API5: variants seen among roughly 807,000 people sequenced by gnomAD.
The protein encoded by API5 is FIF.
A neutral mutation model predicts 71.9 loss-of-function variants in API5; 6 were observed. The observed-to-expected ratio is 0.08, with a 90% CI of 0.05 to 0.16. The LOEUF (loss-of-function observed/expected upper bound fraction) is 0.16, where lower values mean the gene tolerates loss of function less well. Ranked by LOEUF, API5 falls within the 10% of genes least tolerant of loss-of-function variation. API5 has a pLI of 1.00. For missense variants in API5, 332 were observed against 612.8 expected, an observed-to-expected ratio of 0.54 and a Z score of 4.84; for synonymous variants, 189 against 221.3, an observed-to-expected ratio of 0.85 and a Z score of 1.30.
intron 13 of API5, chr11:43,340,239 T>C (rs1366733785): frequency 2.8e-6 from 1 of 356,874 alleles, no homozygotes; most frequent in South Asian, 2.1e-5. Context: ...AAAATATTTC[T>C]ATACAAGGAA....
At chr11:43,334,809 T>G (rs937492414) in intron 11 of API5, among the ~76,000 whole-genome samples, 8 of 151,880 alleles carry the variant, frequency 5.3e-5, no homozygotes, top group South Asian at 2.1e-4. Context: ...GTTTTAGTGG[T>G]TTTTTTTGTT....
chr11:43,328,662 A>G lies in API5; in HGVS notation c.946-50A>G. The G allele has an allele frequency of 2.0e-6, 3 of 1,509,458 alleles. No homozygotes were observed. The South Asian group carries it at 3.5e-5, about 18-fold the overall frequency. 93.5% of individuals were successfully genotyped at this position (1,509,458 alleles called of 1,614,324 possible). ...GTAATTCCCTGAATATCTGTTTATA[A>G]TTTGAATATGTAGAACAGATTGCAA... On this transcript the variant is annotated intron_variant, in intron 8 of 13. Coordinates refer to ENST00000531273, the MANE Select transcript of API5 (RefSeq NM_001142930.2).
chr11:43,316,082 G>C (rs1435452915), intron 1 of API5, among the ~76,000 whole-genome samples: 1 of 152,016 alleles, frequency 6.6e-6, no homozygotes, highest in Non-Finnish European at 1.5e-5. Context: ...TGGCGTGTAG[G>C]CTTCTTGGAC....
rs755846545 is a variant in API5, at chr11:43,329,961, T to G, written c.1128-4T>G. 6.2e-6 allele frequency: 10 copies of G among 1,612,638 alleles called. No individual in the cohort carries two copies. In the East Asian group the frequency reaches 2.2e-4, roughly 36 times the overall value. ...TGCTAATTAACAAATACATTTTCAT[T>G]TAGGCTGCAGTACTTTGCACGGGGC... On this transcript the variant is annotated splice_polypyrimidine_tract_variant and splice_region_variant and intron_variant, in intron 9 of 13. Transcript: ENST00000531273.
Position 43,318,711 on chromosome 11 carries a change from A to G in API5, c.141A>G (p.Gln47=), listed in dbSNP as rs374835296. The G allele has an allele frequency of 5.8e-5, 93 of 1,613,668 alleles. No homozygotes were observed. In the African/African-American group the frequency reaches 7.1e-4, roughly 12 times the overall value. The change falls in exon 2 of 14, where the codon CAA becomes CAG. Residue 47 remains glutamine (Q), a synonymous_variant. Coordinates refer to ENST00000531273, the MANE Select transcript of API5 (RefSeq NM_001142930.2). ...CTAAGGAAAAGCGATTAGCAGCTCA[A>G]TTTATTCCGAAATTCTTTAAGCATT... ...GGTKEKRLAA[Q]FIPKFFKHFP...
intron 13 of API5, chr11:43,339,185 G>A (rs1376247404): frequency 6.6e-6 from 1 of 152,152 alleles, no homozygotes; most frequent in Non-Finnish European, 1.5e-5. Context: ...TAGCCAAACT[G>A]GGGAAAGGTC....
intron 13 of API5, among the ~76,000 whole-genome samples, chr11:43,339,525 T>G (rs956617220): frequency 2.0e-5 from 3 of 152,246 alleles, no homozygotes; most frequent in African/African-American, 7.2e-5. Flanking sequence ...ACCATTTCTC[T>G]GTGGCTATAA....
chr11:43,326,313 A>T (rs967480076), intron 6 of API5, among the ~76,000 whole-genome samples, 194 bp from the exon 7 acceptor site: 1 of 152,046 alleles, frequency 6.6e-6, no homozygotes. Context: ...CCATTTTTCC[A>T]TGAACTTATT....
chr11:43,341,392 G>T (rs532328282), intron 13 of API5, among the ~76,000 whole-genome samples: 1 of 152,270 alleles, frequency 6.6e-6, no homozygotes, highest in South Asian at 2.1e-4. Flanking sequence ...TATACACAAT[G>T]GGATACTATT....
rs376760164 is a variant in API5 at position 43,328,695 on chromosome 11, A to C, written c.946-17A>C. The C allele has an allele frequency of 1.9e-6, 3 of 1,607,544 alleles. No homozygotes were observed. In the African/African-American group the frequency reaches 4.0e-5, roughly 22 times the overall value. Reference sequence around the variant, plus strand: ...ATGTAGAACAGATTGCAAAATCTGTATATTTTTCTCTCTTAGGAATACATG... The same window carrying C: ...ATGTAGAACAGATTGCAAAATCTGTCTATTTTTCTCTCTTAGGAATACATG... On this transcript the variant is annotated splice_polypyrimidine_tract_variant and intron_variant, in intron 8 of 13. Transcript: ENST00000531273.
chr11:43,327,749 CTTA>C (rs1358561216), intron 7 of API5, 37 bp from the exon 8 acceptor site: 7 of 1,427,684 alleles, frequency 4.9e-6, no homozygotes, highest in Admixed American at 3.7e-5. Context: ...ATAACCCTTG[CTTA>C]TTCAAAAAAA....
At chr11:43,316,010 T>C (rs1854656101) in intron 1 of API5, among the ~76,000 whole-genome samples, 2 of 152,354 alleles carry the variant, frequency 1.3e-5, no homozygotes, top group Admixed American at 1.3e-4. Flanking sequence ...TAGATCTGTA[T>C]AATGCTGAAA....
intron 6 of API5, among the ~76,000 whole-genome samples, chr11:43,324,346 A>C (rs1317935802): frequency 6.6e-6 from 1 of 151,970 alleles, no homozygotes; most frequent in Non-Finnish European, 1.5e-5. Context: ...CTTCCTAGAG[A>C]CTTTTTTTGA....
intron 2 of API5, 88 bp from the exon 3 acceptor site, chr11:43,320,733 A>T: frequency 8.2e-6 from 6 of 732,234 alleles, no homozygotes; most frequent in Non-Finnish European, 7.9e-6. Context: ...CTTGTCTTTA[A>T]AAAAAAAAAA....
intron 5 of API5, among the ~76,000 whole-genome samples, chr11:43,322,711 A>G (rs1271823282): frequency 6.6e-6 from 1 of 152,208 alleles, no homozygotes; most frequent in East Asian, 1.9e-4. Context: ...TCAGCATTTT[A>G]TCTAAAGCAT....
intron 9 of API5, 105 bp from the exon 10 acceptor site, chr11:43,329,860 T>C: frequency 1.2e-6 from 1 of 856,406 alleles, no homozygotes. Context: ...TTACTGGTCA[T>C]GTAACCATTT....
At chr11:43,313,843 C>A (rs1179488999) in intron 1 of API5, among the ~76,000 whole-genome samples, 7 of 152,106 alleles carry the variant, frequency 4.6e-5, no homozygotes, top group Non-Finnish European at 1.0e-4. Flanking sequence ...AATCCCAATT[C>A]TTTAAGGGGC....
chr11:43,315,288 C>T lies in API5; in HGVS notation c.69+3092C>T, dbSNP rs74363915. On this transcript the variant is annotated intron_variant, in intron 1 of 13. Transcript: ENST00000531273. ...CAGATCAAATCCTCTTTTTGAACCC[C>T]TTGGTACGATGTACTTACTAATAAT... Among the ~76,000 whole-genome samples the T allele has an allele frequency of 1.1e-4, 16 of 152,274 alleles. No individual in the cohort carries two copies. The East Asian group carries it at 3.1e-3, about 29-fold the overall frequency.
At chr11:43,333,422 G>GA (rs1184512864) in intron 11 of API5, among the ~76,000 whole-genome samples, 1 of 152,144 alleles carries the variant, frequency 6.6e-6, no homozygotes, top group African/African-American at 2.4e-5. Context: ...CTAGTATGGG[G>GA]AAAAATGAGG....
Sources: allele counts gnomAD v4.1 joint callset (sites outside exome capture counted in the v4.1 genomes callset), GRCh38; gene constraint gnomAD v4.1.1; transcripts MANE v1.5; gene names NCBI Gene and HGNC (gene_info 2026-07-23, HGNC 2026-07-21).